The following CTIF variants were observed in gnomAD, a reference collection of about 807,000 sequenced individuals.
CTIF encodes CBP80/20-dependent translation initiation factor.
A neutral mutation model predicts 66.0 loss-of-function variants in CTIF; 21 were observed. That is an observed-to-expected ratio of 0.32 (90% CI 0.23 to 0.46). The LOEUF is 0.46. Ranked by LOEUF, CTIF falls within the 20% of genes least tolerant of loss-of-function variation. CTIF has a pLI of 1.00. For missense variants in CTIF, 739 were observed against 812.7 expected (o/e 0.91, Z 1.10); for synonymous variants, 345 against 326.4 (o/e 1.06, Z -0.62).
intron 1 of CTIF, among the ~76,000 whole-genome samples, chr18:48,606,714 G>T (rs995877037): frequency 6.6e-6 from 1 of 152,142 alleles, no homozygotes; most frequent in African/African-American, 2.4e-5. Context: ...TGGAGCTCTG[G>T]GACCCTCACT....
In CTIF at chr18:48,761,552, G is replaced by C; in HGVS notation, c.1234G>C (p.Glu412Gln). The C allele has an allele frequency of 6.2e-7, 1 of 1,614,220 alleles. No individual in the cohort carries two copies. Among genetic ancestry groups the C allele is most frequent in the Non-Finnish European group, 8.5e-7 (1 of 1,180,036 alleles). ...NSTNSEEMLG[E>Q]IVRTIYQKAV... Reference sequence around the variant, plus strand: ...CACCAACTCCGAGGAGATGCTGGGCGAGATCGTGCGCACAATCTACCAGAA... The same window carrying C: ...CACCAACTCCGAGGAGATGCTGGGCCAGATCGTGCGCACAATCTACCAGAA... Residue 412 changes from glutamate to glutamine, a missense_variant, in exon 9 of 12, where the codon GAG becomes CAG. By Grantham distance (29) the Glu-to-Gln change is conservative (BLOSUM62 2). This residue lies in a region of CTIF where 210 missense variants were observed against 292.3 expected (regional missense o/e 0.72). Coordinates refer to ENST00000256413, the MANE Select transcript of CTIF (RefSeq NM_014772.3). The surrounding 1 kb of genome is among the most constrained non-coding windows in gnomAD (Gnocchi z 4.2).
intron 7 of CTIF, among the ~76,000 whole-genome samples, chr18:48,729,274 C>A (rs1430338859): frequency 6.6e-6 from 1 of 152,174 alleles, no homozygotes; most frequent in African/African-American, 2.4e-5. Flanking sequence ...ACGTTCCCCC[C>A]ACCACCACTA....
chr18:48,566,000 G>A (rs11082684), intron 1 of CTIF: 126,819 of 152,188 alleles, frequency 0.83, 52,975 homozygotes, highest in East Asian at 1. Context: ...AAGCTGAGCT[G>A]ATGATAGTTT....
chr18:48,764,169 G>A (rs1458783100), intron 9 of CTIF, among the ~76,000 whole-genome samples: 1 of 152,138 alleles, frequency 6.6e-6, no homozygotes, highest in African/African-American at 2.4e-5. Flanking sequence ...CCACTTTCCA[G>A]GAAACACTGG....
Position 48,758,081 on chromosome 18 carries a change from C to T in CTIF, c.747C>T (p.Arg249=). 1.2e-6 allele frequency: 2 copies of T among 1,614,138 alleles called. No homozygotes were observed. Among genetic ancestry groups the T allele is most frequent in the Non-Finnish European group, 1.7e-6 (2 of 1,180,022 alleles). ...ACCATGGCTACAGCCAGAACCGGCG[C>T]TGGCACCATGGCAACATGAAGCACC... ...PTHHGYSQNR[R]WHHGNMKHPP... is the part of the protein sequence containing the mutation. Residue 249 remains arginine, a synonymous_variant, in exon 8 of 12, where the codon CGC becomes CGT. Coordinates refer to ENST00000256413, the MANE Select transcript of CTIF (RefSeq NM_014772.3).
At chr18:48,743,752 CTTCT>C (rs2145766201) in intron 7 of CTIF, among the ~76,000 whole-genome samples, 1 of 152,258 alleles carries the variant, frequency 6.6e-6, no homozygotes, top group East Asian at 1.9e-4. Context: ...CATAAAATAA[CTTCT>C]TTATCTGGTA....
chr18:48,601,890 G>A (rs2090097089), intron 1 of CTIF, among the ~76,000 whole-genome samples: 2 of 152,222 alleles, frequency 1.3e-5, no homozygotes, highest in South Asian at 2.1e-4. Context: ...CAGGCTCTGG[G>A]ATTTGGGGTG....
intron 1 of CTIF, among the ~76,000 whole-genome samples, chr18:48,572,385 TGAGGGTA>T (rs2089436451): frequency 6.6e-6 from 1 of 152,148 alleles, no homozygotes; most frequent in Non-Finnish European, 1.5e-5. Context: ...CCAAGAAGGA[TGAGGGTA>T]AAAAGACCCT....
chr18:48,829,585 A>G (rs2068648766), intron 10 of CTIF, among the ~76,000 whole-genome samples: 1 of 152,194 alleles, frequency 6.6e-6, no homozygotes, highest in South Asian at 2.1e-4. Flanking sequence ...CGCCTTGCCC[A>G]GCCTCCGTGC....
chr18:48,694,663 G>T (rs138501855), intron 6 of CTIF, among the ~76,000 whole-genome samples: 2 of 152,306 alleles, frequency 1.3e-5, no homozygotes, highest in Admixed American at 1.3e-4. Context: ...CTTTAATGCC[G>T]TGCATCCACA....
intron 6 of CTIF, among the ~76,000 whole-genome samples, chr18:48,682,288 A>T (rs1015085122): frequency 6.6e-6 from 1 of 152,138 alleles, no homozygotes; most frequent in African/African-American, 2.4e-5. Flanking sequence ...TGAAACACAC[A>T]TGATCCCGGG....
intron 6 of CTIF, among the ~76,000 whole-genome samples, chr18:48,684,595 T>C (rs1012075746): frequency 1.3e-5 from 2 of 152,214 alleles, no homozygotes; most frequent in African/African-American, 4.8e-5. Context: ...GTATACCGAA[T>C]TTTACTTAAA....
Position 48,730,420 on chromosome 18 carries a change from C to CTT in CTIF, c.584+18725_584+18726insTT, listed in dbSNP as rs1568171458. Reference sequence around the variant, plus strand: ...TGAGGGGCTTCCACGGTGTGTGGGGCCCCTGCGCTGTGAGGGGCCCCTGTG... The same window carrying CTT: ...TGAGGGGCTTCCACGGTGTGTGGGGCTTCCCTGCGCTGTGAGGGGCCCCTGTG... On this transcript the variant is annotated intron_variant, in intron 7 of 11. Transcript: ENST00000256413. Among the ~76,000 whole-genome samples the CTT allele has an allele frequency of 1.6e-3, 215 of 135,908 alleles. 15 individuals carry two copies. Among genetic ancestry groups the CTT allele is most frequent in the Middle Eastern group, 4.3e-3 (1 of 230 alleles). The allele number at this position is 135,908 out of a possible 152,430, so 89.2% of individuals were successfully genotyped here. A position where few individuals can be genotyped will look rare whatever the true frequency, so the allele number is the denominator to read the frequency against.
intron 10 of CTIF, among the ~76,000 whole-genome samples, chr18:48,842,458 G>T (rs186185947): frequency 3.3e-5 from 5 of 152,326 alleles, no homozygotes; most frequent in African/African-American, 1.2e-4. Context: ...GAATCCTTGA[G>T]AGGTCAGCCG....
chr18:48,561,783 C>A (rs2089169553), intron 1 of CTIF, among the ~76,000 whole-genome samples: 1 of 152,170 alleles, frequency 6.6e-6, no homozygotes, highest in African/African-American at 2.4e-5. Flanking sequence ...CTAGGAGGAC[C>A]AAGACCTGGC....
At chr18:48,568,040 T>C (rs1230603609) in intron 1 of CTIF, 1 of 152,130 alleles carries the variant, frequency 6.6e-6, no homozygotes, top group East Asian at 1.9e-4. Context: ...GTTCACCTCA[T>C]CTACAAAATG....
chr18:48,621,702 G>C (rs943823065), intron 2 of CTIF: 19 of 271,932 alleles, frequency 7.0e-5, no homozygotes, highest in African/African-American at 4.5e-4. Flanking sequence ...TTTCCACTGA[G>C]CGGTGAAGGC....
Position 48,761,553 on chromosome 18 carries a change from A to T in CTIF, c.1235A>T (p.Glu412Val), listed in dbSNP as rs1373032961. 1.2e-6 allele frequency: 2 copies of T among 1,614,104 alleles called. No homozygotes were observed. Among genetic ancestry groups the T allele is most frequent in the Non-Finnish European group, 1.7e-6 (2 of 1,180,050 alleles). ...ACCAACTCCGAGGAGATGCTGGGCG[A>T]GATCGTGCGCACAATCTACCAGAAG... ...NSTNSEEMLG[E>V]IVRTIYQKAV... The change falls in exon 9 of 12, where the codon GAG becomes GTG. Residue 412 changes from glutamate (E) to valine (V), a missense_variant. Glu to Val is a moderately radical substitution (Grantham distance 121). Around this residue, in one of 2 missense-constraint regions of CTIF, gnomAD observed 210 missense variants for 292.3 expected, o/e 0.72. Coordinates refer to ENST00000256413, the MANE Select transcript of CTIF (RefSeq NM_014772.3). The surrounding 1 kb of genome is among the most constrained non-coding windows in gnomAD (Gnocchi z 4.2).
intron 7 of CTIF, among the ~76,000 whole-genome samples, chr18:48,720,866 A>G (rs1199692560): frequency 6.6e-6 from 1 of 152,172 alleles, no homozygotes; most frequent in East Asian, 1.9e-4. Context: ...GCTGGCCCAC[A>G]ACTCACCCAT....
Sources: gnomAD v4.1 joint callset for allele counts (sites outside exome capture counted in the v4.1 genomes callset) on GRCh38, gnomAD v4.1.1 for gene constraint, gnomAD v4.1.1 regional missense constraint, Gnocchi (gnomAD v3.1) non-coding constraint, MANE v1.5 for transcripts, NCBI Gene and HGNC (gene_info 2026-07-23, HGNC 2026-07-21) for gene names.